Variants in ADAMTS13 observed in about 807,000 individuals in gnomAD.
ADAMTS13 encodes the protein A disintegrin and metalloproteinase with thrombospondin motifs 13.
ADAMTS13 carries 110 observed loss-of-function variants against 155.1 expected under a neutral mutation model. That is an observed-to-expected ratio of 0.71 (90% confidence interval 0.61 to 0.83). The LOEUF is 0.83. Ranked by LOEUF, ADAMTS13 falls within the 40% of genes least tolerant of loss-of-function variation. ADAMTS13 has a pLI of 0.00. For missense variants in ADAMTS13, 1,707 were observed against 1,891.7 expected, an observed-to-expected ratio of 0.90 and a Z score of 1.81; for synonymous variants, 758 against 756.4, an observed-to-expected ratio of 1.00 and a Z score of -0.03.
In ADAMTS13 at chr9:133,416,390, T is replaced by C. The variant is rs149271452; in HGVS notation, n.287+1746T>C. Among the ~76,000 whole-genome samples, 323 of 152,298 alleles carry C rather than the reference T, an allele frequency of 2.1e-3. 3 individuals carry two copies. Among genetic ancestry groups the C allele is most frequent in the Non-Finnish European group, 7.5e-4 (51 of 68,026 alleles). On this transcript the variant is annotated intron_variant and non_coding_transcript_variant, in intron 1 of 17. Coordinates refer to the ADAMTS13 transcript ENST00000485925. ...TTTTTAAAAAAACTACTTTTTACTTTTATTTAGAGATGGAATCTCACCATG... is the reference window on the plus strand; with the variant it reads ...TTTTTAAAAAAACTACTTTTTACTTCTATTTAGAGATGGAATCTCACCATG...
rs781959371 is a variant in ADAMTS13, at chr9:133,454,484, C to T, written c.3114C>T (p.Ala1038=). 2 of 1,613,176 alleles carry T rather than the reference C, an allele frequency of 1.2e-6. No individual in the cohort carries two copies. The highest frequency in any genetic ancestry group is 2.2e-5 in the East Asian group (1 of 44,892). The change falls in exon 24 of 29, where the codon GCC becomes GCT. Residue 1038 remains alanine, a synonymous_variant. Transcript: ENST00000355699. ...TTGGCACTGCTAGACGCTCGGTGGC[C>T]TGTGTGCAGCTCGACCAAGGCCAGG... The part of the protein sequence containing the change: ...CGLGTARRSV[A]CVQLDQGQDV...
chr9:133,434,467 G>C (rs1410020250), intron 11 of ADAMTS13, among the ~76,000 whole-genome samples: 1 of 152,076 alleles, frequency 6.6e-6, no homozygotes, highest in South Asian at 2.1e-4. Flanking sequence ...CACCACGCCC[G>C]GCTAATTTTT....
intron 1 of ADAMTS13, among the ~76,000 whole-genome samples, chr9:133,416,964 C>T (rs1405550400): frequency 1.3e-5 from 2 of 152,208 alleles, no homozygotes; most frequent in African/African-American, 4.8e-5. Flanking sequence ...TTCACTTCTA[C>T]ACAGGAATCT....
chr9:133,430,693 CTATT>C (rs1564415059), intron 8 of ADAMTS13, among the ~76,000 whole-genome samples: 15 of 139,662 alleles, frequency 1.1e-4, no homozygotes, highest in Admixed American at 1.4e-4. Context: ...TTTTTTTTTC[CTATT>C]TTTTTTTTTT....
At position 133,437,768 on chromosome 9, in the gene ADAMTS13, C is replaced by A; in HGVS notation, c.1455C>A (p.His485Gln). Residue 485 changes from histidine (H) to glutamine (Q), a missense_variant, in exon 13 of 29, where the codon CAC becomes CAA. Coordinates refer to ENST00000355699, the MANE Select transcript of ADAMTS13 (RefSeq NM_139027.6). ...PHSQGDALCR[H>Q]MCRAIGESFI... is the part of the protein sequence containing the mutation. ...TCCCAGGGGATGCTCTGTGCAGACA[C>A]ATGTGCCGGGCCATTGGCGAGAGCT... The A allele has an allele frequency of 6.2e-7, 1 of 1,613,908 alleles. No individual in the cohort carries two copies. Among genetic ancestry groups the A allele is most frequent in the Non-Finnish European group, 8.5e-7 (1 of 1,180,034 alleles).
intron 8 of ADAMTS13, 118 bp downstream of exon 8, chr9:133,430,219 TAA>T: frequency 7.3e-7 from 1 of 1,376,546 alleles, no homozygotes; most frequent in South Asian, 1.2e-5. Flanking sequence ...GCTGAGGTAC[TAA>T]GCCAGGGCGG....
rs887174673 is a variant in ADAMTS13, at chr9:133,445,901, G to A, written c.2731+82G>A. ...CTTGCATCTTGCCTCGTTCTGAAAA[G>A]CATTTGAGGTGGATTGCAGAAAATC... On this transcript the variant is annotated intron_variant, in intron 21 of 28. Transcript: ENST00000355699. This position sits in a 1 kb window ranked among gnomAD's most constrained non-coding sequence, Gnocchi z 5.0. The A allele has an allele frequency of 1.5e-4, 231 of 1,497,060 alleles. No homozygotes were observed. Among genetic ancestry groups the A allele is most frequent in the Non-Finnish European group, 1.9e-4 (217 of 1,123,610 alleles). The allele number at this position is 1,497,060 out of a possible 1,614,324, so 92.7% of individuals were successfully genotyped here.
In ADAMTS13 at chr9:133,425,425, G is replaced by A. The variant is rs1840215685; in HGVS notation, c.331-104G>A. The A allele has an allele frequency of 1.1e-6, 1 of 937,446 alleles. No homozygotes were observed. 58.1% of individuals were successfully genotyped at this position (937,446 alleles called of 1,614,324 possible). A position where few individuals can be genotyped will look rare whatever the true frequency, so the allele number is the denominator to read the frequency against. The stretch of plus-strand genomic sequence containing the variant: ...GGTTCCCACACATGCTGGTGGAGTA[G>A]CCTCTCCAGCTCTTCACACTCCGGG... On this transcript the variant is annotated intron_variant, in intron 3 of 28. Transcript: ENST00000355699. This position sits in a 1 kb window ranked among gnomAD's most constrained non-coding sequence, Gnocchi z 4.6.
At position 133,448,594 on chromosome 9, in the gene ADAMTS13, C is replaced by T. The variant is rs782624187; in HGVS notation, c.2732-5C>T. The T allele has an allele frequency of 7.0e-5, 112 of 1,609,372 alleles. No individual in the cohort carries two copies. The highest frequency in any genetic ancestry group is 1.1e-4 in the South Asian group (10 of 91,044). ...GGGCTCTGGGTCTCTGCTTTGTCCACGCAGGTCTGATGGAGCTGCGTTTCC... is the reference window on the plus strand; with the variant it reads ...GGGCTCTGGGTCTCTGCTTTGTCCATGCAGGTCTGATGGAGCTGCGTTTCC... On this transcript the variant is annotated splice_region_variant and splice_polypyrimidine_tract_variant and intron_variant, in intron 21 of 28. Transcript: ENST00000355699.
At chr9:133,447,270 G>A (rs145251501) in intron 21 of ADAMTS13, among the ~76,000 whole-genome samples, 1 of 150,916 alleles carries the variant, frequency 6.6e-6, no homozygotes, top group African/African-American at 2.4e-5. Flanking sequence ...TTAAAACCGA[G>A]ACCAAAAAGA....
Position 133,442,721 on chromosome 9 carries a change from G to T in ADAMTS13, c.2212G>T (p.Val738Leu). The T allele has an allele frequency of 1.2e-6, 2 of 1,612,918 alleles. No homozygotes were observed. The highest frequency in any genetic ancestry group is 1.7e-6 in the Non-Finnish European group (2 of 1,179,964). Residue 738 changes from valine to leucine, a missense_variant, in exon 18 of 29, where the codon GTG (valine) becomes TTG (leucine). Transcript: ENST00000355699. ...GCCACCAGCGTGGCCAGAGGCCTGC[G>T]TGCTCGAACCCTGCCCTCCCTAGTG... is the stretch of plus-strand genomic sequence containing the variant. Reference protein sequence around the residue: ...QQPPAWPEACVLEPCPPYWAV... With the variant: ...QQPPAWPEACLLEPCPPYWAV...
chr9:133,455,748 C>A, intron 25 of ADAMTS13: 1 of 1,170,728 alleles, frequency 8.5e-7, no homozygotes, highest in Non-Finnish European at 1.2e-6. Context: ...CTCTTTCTCC[C>A]TGGCAAAGCA....
At chr9:133,443,686 G>T in intron 19 of ADAMTS13, 125 bp downstream of exon 19, 1 of 1,051,986 alleles carries the variant, frequency 9.5e-7, no homozygotes, top group African/African-American at 1.6e-5. Flanking sequence ...ACCATCCAGG[G>T]TGATGGGCAG....
At chr9:133,429,839 C>G in intron 7 of ADAMTS13, 100 bp from the exon 8 acceptor site, 1 of 1,461,480 alleles carries the variant, frequency 6.8e-7, no homozygotes, top group South Asian at 1.2e-5. Context: ...CAAAAGGCCA[C>G]GCTTCCAAAC....
exon 1 of ADAMTS13, chr9:133,414,412 C>T (rs1015836681): frequency 1.9e-5 from 13 of 675,052 alleles, no homozygotes; most frequent in African/African-American, 8.8e-5. Context: ...GGCTTCAGCA[C>T]GCTTTCCTTC....
Position 133,433,414 on chromosome 9 carries a change from C to G in ADAMTS13, c.1129C>G (p.Leu377Val). 1 of 1,613,194 alleles carries G rather than the reference C, an allele frequency of 6.2e-7. No homozygotes were observed. Among genetic ancestry groups the G allele is most frequent in the South Asian group, 1.1e-5 (1 of 91,084 alleles). The change falls in exon 10 of 29, where the codon CTG becomes GTG. Residue 377 changes from leucine (L) to valine (V), a missense_variant. By Grantham distance (32) the Leu-to-Val change is conservative. This residue lies in a region of ADAMTS13 where 733 missense variants were observed against 749.6 expected (regional missense o/e 0.98). Coordinates refer to ENST00000355699, the MANE Select transcript of ADAMTS13 (RefSeq NM_139027.6). ...GGGTCGCTGCCGCTCCCTGGTGGAG[C>G]TGACCCCCATAGCAGCAGTGCATGG... ...SKGRCRSLVE[L>V]TPIAAVHGRW...
At chr9:133,429,159 A>C (rs1442559856) in intron 7 of ADAMTS13, among the ~76,000 whole-genome samples, 50 of 18,230 alleles carry the variant, frequency 2.7e-3, no homozygotes, top group East Asian at 3.9e-3. Flanking sequence ...CTCCGTCCCA[A>C]CCCCTGCACC....
chr9:133,439,709 C>G (rs997157121), intron 15 of ADAMTS13, among the ~76,000 whole-genome samples: 1 of 152,230 alleles, frequency 6.6e-6, no homozygotes, highest in African/African-American at 2.4e-5. Context: ...AACCAGGAGG[C>G]CTGATGTCTC....
chr9:133,417,735 A>G (rs781904304), upstream of ADAMTS13: 6 of 1,613,930 alleles, frequency 3.7e-6, no homozygotes, highest in Non-Finnish European at 5.1e-6. Context: ...GCTTTTCCAA[A>G]ACCTTTTTTT....
Sources: allele counts gnomAD v4.1 joint callset (sites outside exome capture counted in the v4.1 genomes callset), GRCh38; gene constraint gnomAD v4.1.1; regional missense constraint gnomAD v4.1.1; non-coding constraint Gnocchi (gnomAD v3.1); transcripts MANE v1.5; gene names NCBI Gene and HGNC (gene_info 2026-07-23, HGNC 2026-07-21).